LRP6: variants seen among roughly 807,000 people sequenced by gnomAD.
The protein encoded by LRP6 is LDL receptor related protein 6, also known as low-density lipoprotein receptor-related protein 6.
A neutral mutation model predicts 184.1 loss-of-function variants in LRP6; 43 were observed. The observed-to-expected ratio is 0.23, with a 90% CI of 0.18 to 0.30. The LOEUF is 0.30. LRP6 is among the 10% of genes least tolerant of loss of function. LRP6 has a pLI of 1.00. For missense variants in LRP6, 1,571 were observed against 2,005.3 expected, an observed-to-expected ratio of 0.78 and a Z score of 4.14; for synonymous variants, 719 against 684.9, an observed-to-expected ratio of 1.05 and a Z score of -0.78.
intron 7 of LRP6, among the ~76,000 whole-genome samples, chr12:12,166,494 G>A (rs1037752746): frequency 4.6e-5 from 7 of 152,158 alleles, no homozygotes; most frequent in Admixed American, 6.5e-5. Context: ...TTTGTGGTAT[G>A]TTAAAATATG....
In LRP6 at chr12:12,249,737, AAATT is replaced by A. The variant is rs139575940; in HGVS notation, c.56-5086_56-5083del. On this transcript the variant is annotated intron_variant, in intron 1 of 22. Coordinates refer to ENST00000261349, the MANE Select transcript of LRP6 (RefSeq NM_002336.3). ...GAAGGAAGGAAGGAAGGAAGGAAAT[AAATT>A]AATTAAAGTTCACCTGGTCAACAAG... 7.8e-3 allele frequency among the ~76,000 whole-genome samples: 1,182 copies of A among 151,604 alleles called. 22 individuals carry two copies. Among genetic ancestry groups the A allele is most frequent in the African/African-American group, 0.028 (1,140 of 41,326 alleles).
rs1380616780 is a variant in LRP6 at position 12,266,765 on chromosome 12, G to A, written c.-30C>T. On this transcript the variant is annotated 5_prime_UTR_variant, in exon 1 of 23. Transcript: ENST00000261349. ...CCTTCTCGCGTTCTCTTCTCTCACC[G>A]GCGAGGGGTGGCCAGAAGTGGGGGA... The A allele has an allele frequency of 2.5e-6, 4 of 1,594,950 alleles. No homozygotes were observed. The highest frequency in any genetic ancestry group is 3.4e-6 in the Non-Finnish European group (4 of 1,167,778).
rs1045296965 is a variant in LRP6, at chr12:12,116,665, A to C, written c.*4461T>G. On this transcript the variant is annotated 3_prime_UTR_variant, in exon 23 of 23. Coordinates refer to ENST00000261349, the MANE Select transcript of LRP6 (RefSeq NM_002336.3). Reference sequence around the variant, plus strand: ...GGCAAACCCTAAGTGATGGTGGAGAATCTAACAGTTCGTTAGGTCTGTACT... The same window carrying C: ...GGCAAACCCTAAGTGATGGTGGAGACTCTAACAGTTCGTTAGGTCTGTACT... 5 of 152,200 alleles carry C rather than the reference A, an allele frequency of 3.3e-5. No homozygotes were observed. Among genetic ancestry groups the C allele is most frequent in the Non-Finnish European group, 7.4e-5 (5 of 68,018 alleles). The allele number at this position is 152,200 out of a possible 1,614,324, so 9.4% of individuals were successfully genotyped here.
chr12:12,138,978 A>C lies in LRP6; in HGVS notation c.3398-444T>G, dbSNP rs769063297. On this transcript the variant is annotated intron_variant, in intron 15 of 22. Coordinates refer to ENST00000261349, the MANE Select transcript of LRP6 (RefSeq NM_002336.3). ...TAGAAAAAATGACTGACTCACCCCA[A>C]GGTAAGAATTATTTCTAATCATCTC... is the stretch of plus-strand genomic sequence containing the variant. The C allele has an allele frequency of 8.9e-6, 12 of 1,351,402 alleles. No individual in the cohort carries two copies. The East Asian group carries it at 4.6e-4, about 52-fold the overall frequency. The allele number at this position is 1,351,402 out of a possible 1,614,324, so 83.7% of individuals were successfully genotyped here.
At chr12:12,163,331 T>C (rs1190113207) in intron 9 of LRP6, among the ~76,000 whole-genome samples, 1 of 152,104 alleles carries the variant, frequency 6.6e-6, no homozygotes, top group Non-Finnish European at 1.5e-5. Flanking sequence ...CAAACCAAAA[T>C]TTATTTATTT....
At chr12:12,154,426 C>T (rs936015610) in intron 12 of LRP6, among the ~76,000 whole-genome samples, 1 of 152,202 alleles carries the variant, frequency 6.6e-6, no homozygotes, top group Non-Finnish European at 1.5e-5. Context: ...TGCCACCTAA[C>T]CCCTGACATA....
rs1374240805 is a variant in LRP6 at position 12,117,471 on chromosome 12, G to A, written c.*3655C>T. 2 of 152,216 alleles carry A rather than the reference G, an allele frequency of 1.3e-5. No homozygotes were observed. Among genetic ancestry groups the A allele is most frequent in the Non-Finnish European group, 2.9e-5 (2 of 68,030 alleles). The allele number at this position is 152,216 out of a possible 1,614,324, so 9.4% of individuals were successfully genotyped here. On this transcript the variant is annotated 3_prime_UTR_variant, in exon 23 of 23. Coordinates refer to ENST00000261349, the MANE Select transcript of LRP6 (RefSeq NM_002336.3). ...TTCTGAATCTTGTTAGATACGTAAT[G>A]ATAACCAATATGTAATTCCTATGGC...
At chr12:12,166,628 G>A (rs920229915) in intron 7 of LRP6, among the ~76,000 whole-genome samples, 4 of 152,034 alleles carry the variant, frequency 2.6e-5, no homozygotes, top group Non-Finnish European at 5.9e-5. Flanking sequence ...AAATTTGCTG[G>A]TGTAAAAGCA....
chr12:12,163,667 C>T (rs951311599), intron 9 of LRP6, among the ~76,000 whole-genome samples: 3 of 152,110 alleles, frequency 2.0e-5, no homozygotes, highest in African/African-American at 4.8e-5. Flanking sequence ...AGCCATTTTA[C>T]GTGAAGCACA....
At chr12:12,198,748 G>A (rs999551898) in intron 3 of LRP6, among the ~76,000 whole-genome samples, 14 of 151,730 alleles carry the variant, frequency 9.2e-5, no homozygotes, top group Non-Finnish European at 1.9e-4. Flanking sequence ...TGGCAAGGCT[G>A]GTCTCGAACT....
intron 2 of LRP6, among the ~76,000 whole-genome samples, chr12:12,234,448 T>C: frequency 6.7e-6 from 1 of 150,368 alleles, no homozygotes; most frequent in East Asian, 1.9e-4. Context: ...AGACTCCGTC[T>C]CAAAAAAAAA....
At chr12:12,135,345 G>C in intron 16 of LRP6, 45 bp from the exon 17 acceptor site, 2 of 1,415,778 alleles carry the variant, frequency 1.4e-6, no homozygotes, top group Non-Finnish European at 2.0e-6. Context: ...GGGGAGTGGA[G>C]GGGGAGAGAA....
At position 12,148,924 on chromosome 12, in the gene LRP6, G is replaced by A. The variant is rs147575944; in HGVS notation, c.3206+18C>T. 205 of 1,594,438 alleles carry A rather than the reference G, an allele frequency of 1.3e-4. No individual in the cohort carries two copies. In the East Asian group the frequency reaches 1.8e-3, roughly 14 times the overall value. Reference sequence around the variant, plus strand: ...GTCTCAGAAGCCACAGTATCTGAACGCCACTTTAGTAACATACCCTTTCTC... The same window carrying A: ...GTCTCAGAAGCCACAGTATCTGAACACCACTTTAGTAACATACCCTTTCTC... On this transcript the variant is annotated intron_variant, in intron 14 of 22. Transcript: ENST00000261349.
intron 2 of LRP6, among the ~76,000 whole-genome samples, chr12:12,235,000 G>C (rs1864895095): frequency 6.6e-6 from 1 of 152,112 alleles, no homozygotes; most frequent in Non-Finnish European, 1.5e-5. Flanking sequence ...CTGGAAAAAA[G>C]GGGGTAGGAG....
Position 12,179,896 on chromosome 12 carries a change from T to C in LRP6, c.1459A>G (p.Thr487Ala). 3 of 1,613,940 alleles carry C rather than the reference T, an allele frequency of 1.9e-6. No homozygotes were observed. Among genetic ancestry groups the C allele is most frequent in the Non-Finnish European group, 2.5e-6 (3 of 1,179,864 alleles). Reference sequence around the variant, plus strand: ...AAACCATTTGGCCAACCAAGAGAAGTGTTAACCAATACTACACGGTCAGAA... The same window carrying C: ...AAACCATTTGGCCAACCAAGAGAAGCGTTAACCAATACTACACGGTCAGAA... ...DGSDRVVLVN[T>A]SLGWPNGLAL... The change falls in exon 7 of 23, where the codon ACT becomes GCT. Residue 487 changes from threonine to alanine, a missense_variant. Around this residue, in one of 4 missense-constraint regions of LRP6, gnomAD observed 640 missense variants for 851.9 expected, o/e 0.75. Coordinates refer to ENST00000261349, the MANE Select transcript of LRP6 (RefSeq NM_002336.3).
At chr12:12,124,435 G>C (rs1245251497) in intron 22 of LRP6, 130 bp downstream of exon 22, 1 of 719,230 alleles carries the variant, frequency 1.4e-6, no homozygotes, top group Non-Finnish European at 2.5e-6. Flanking sequence ...GGCAATGTCA[G>C]TACTATCAAG....
intron 12 of LRP6, chr12:12,155,652 G>A (rs944328633): frequency 1.4e-4 from 134 of 958,212 alleles, no homozygotes; most frequent in Admixed American, 6.9e-5. Context: ...AAGCCAAAGA[G>A]AAAGGTACCT....
chr12:12,256,426 C>G (rs186072614), intron 1 of LRP6, among the ~76,000 whole-genome samples: 1 of 152,018 alleles, frequency 6.6e-6, no homozygotes, highest in East Asian at 1.9e-4. Flanking sequence ...GGAAGGATCA[C>G]CGGAGCCTGG....
intron 14 of LRP6, among the ~76,000 whole-genome samples, chr12:12,148,210 A>T (rs1950035907): frequency 6.6e-6 from 1 of 151,930 alleles, no homozygotes; most frequent in Admixed American, 6.6e-5. Context: ...ATAGTGTTAG[A>T]CATAGGCACA....
Sources: allele counts gnomAD v4.1 joint callset (sites outside exome capture counted in the v4.1 genomes callset), GRCh38; gene constraint gnomAD v4.1.1; regional missense constraint gnomAD v4.1.1; transcripts MANE v1.5; gene names NCBI Gene and HGNC (gene_info 2026-07-23, HGNC 2026-07-21).